The following ACTR3C variants were observed in gnomAD, a reference collection of about 807,000 sequenced individuals.
ACTR3C encodes the protein actin-related protein 3C.
ACTR3C carries 18 observed loss-of-function variants against 26.3 expected under a neutral mutation model. The observed-to-expected ratio is 0.68, with a 90% CI of 0.47 to 1.01. The LOEUF (loss-of-function observed/expected upper bound fraction) is 1.01. ACTR3C is among the 50% of genes least tolerant of loss of function. The pLI, the probability that ACTR3C is intolerant of heterozygous loss-of-function variation, is 0.00. For missense variants in ACTR3C, 184 were observed against 250.7 expected, an observed-to-expected ratio of 0.73 and a Z score of 1.80; for synonymous variants, 55 against 94.5, an observed-to-expected ratio of 0.58 and a Z score of 2.42.
chr7:150,029,411 A>AAAC, the ACTR3C span, among the ~76,000 whole-genome samples: 9 of 99,688 alleles, frequency 9.0e-5, no homozygotes, highest in African/African-American at 4.5e-4. Flanking sequence ...AACAAAAAAA[A>AAAC]AAAAAACAAA....
At chr7:150,179,309 GA>G in the ACTR3C span, among the ~76,000 whole-genome samples, 1 of 142,214 alleles carries the variant, frequency 7.0e-6, no homozygotes, top group South Asian at 2.2e-4. Flanking sequence ...ATTAATGTGT[GA>G]ATAATATATT....
chr7:149,966,882 G>T, the ACTR3C span, among the ~76,000 whole-genome samples: 5 of 151,308 alleles, frequency 3.3e-5, no homozygotes. Flanking sequence ...TGTGTGGGGG[G>T]ACAGAGTCTT....
chr7:150,300,249 G>C (rs1329295020), intron 1 of ACTR3C, among the ~76,000 whole-genome samples: 1 of 152,040 alleles, frequency 6.6e-6, no homozygotes, highest in Non-Finnish European at 1.5e-5. Context: ...TACTCAGGAG[G>C]CTTGAGGCAG....
At chr7:150,079,290 C>G in the ACTR3C span, among the ~76,000 whole-genome samples, 1 of 152,176 alleles carries the variant, frequency 6.6e-6, no homozygotes, top group East Asian at 1.9e-4. Context: ...GGGAAACTTA[C>G]ATATGGCTGC....
intron 1 of ACTR3C, among the ~76,000 whole-genome samples, chr7:150,307,279 T>C (rs1795869054): frequency 6.6e-6 from 1 of 152,250 alleles, no homozygotes; most frequent in South Asian, 2.1e-4. Context: ...TTGTAACCTC[T>C]GTGACCTGCA....
the ACTR3C span, among the ~76,000 whole-genome samples, chr7:150,112,538 T>C: frequency 1.3e-5 from 2 of 152,286 alleles, no homozygotes; most frequent in East Asian, 3.9e-4. Flanking sequence ...CTCCGCGGAC[T>C]GGTCCACTCC....
intron 3 of ACTR3C, among the ~76,000 whole-genome samples, chr7:150,290,435 AG>A (rs1374637821): frequency 6.6e-6 from 1 of 152,228 alleles, no homozygotes; most frequent in East Asian, 1.9e-4. Flanking sequence ...ACAGGGGATG[AG>A]CAGGATGCTG....
At chr7:150,038,906 G>C in the ACTR3C span, among the ~76,000 whole-genome samples, 1 of 116,864 alleles carries the variant, frequency 8.6e-6, no homozygotes, top group Admixed American at 8.8e-5. Flanking sequence ...CTGCGATGGG[G>C]GTACTAACAG....
the ACTR3C span, among the ~76,000 whole-genome samples, chr7:150,095,019 C>T: frequency 2.7e-5 from 4 of 146,702 alleles, no homozygotes; most frequent in Non-Finnish European, 5.9e-5. Context: ...ACCACAATCC[C>T]CGAGGTCCAG....
At chr7:150,004,604 A>G in the ACTR3C span, 1 of 152,198 alleles carries the variant, frequency 6.6e-6, no homozygotes, top group Non-Finnish European at 1.5e-5. Context: ...AAGGAAATAG[A>G]GCAACCTACG....
intron 6 of ACTR3C, among the ~76,000 whole-genome samples, chr7:150,281,292 A>G (rs567071556): frequency 4.2e-4 from 63 of 151,654 alleles, no homozygotes; most frequent in Non-Finnish European, 8.1e-4. Context: ...TCTAACCAGA[A>G]CAGTGTTTTA....
At chr7:149,992,815 CA>C in the ACTR3C span, among the ~76,000 whole-genome samples, 5 of 152,294 alleles carry the variant, frequency 3.3e-5, no homozygotes, top group Non-Finnish European at 7.3e-5. Flanking sequence ...GAAGTCCCAC[CA>C]TAGGCCATCT....
chr7:150,168,719 G>A, the ACTR3C span, among the ~76,000 whole-genome samples: 4 of 150,586 alleles, frequency 2.7e-5, 1 homozygote, highest in Admixed American at 6.6e-5. Context: ...ACATCCCCTC[G>A]TAGCCAAGGG....
chr7:150,081,638 G>A, the ACTR3C span, among the ~76,000 whole-genome samples: 3 of 151,442 alleles, frequency 2.0e-5, no homozygotes, highest in African/African-American at 7.4e-5. Flanking sequence ...ATTCATTTGT[G>A]TGTAGAATCA....
chr7:150,256,423 C>T (rs1223513861), intron 6 of ACTR3C, among the ~76,000 whole-genome samples: 4 of 152,248 alleles, frequency 2.6e-5, no homozygotes, highest in Non-Finnish European at 5.9e-5. Flanking sequence ...TCTGCAACCT[C>T]GCCAATATCT....
intron 6 of ACTR3C, among the ~76,000 whole-genome samples, chr7:150,253,147 T>C (rs927175755): frequency 3.9e-5 from 6 of 152,078 alleles, no homozygotes; most frequent in Admixed American, 6.5e-5. Context: ...GTAAAGATGG[T>C]GGCAGAGCGG....
At chr7:150,158,666 A>T in the ACTR3C span, among the ~76,000 whole-genome samples, 1 of 152,254 alleles carries the variant, frequency 6.6e-6, no homozygotes, top group African/African-American at 2.4e-5. Context: ...AGGACGGGTG[A>T]TCTTGGTCAA....
the ACTR3C span, among the ~76,000 whole-genome samples, chr7:150,035,942 G>T: frequency 3.1e-4 from 42 of 137,354 alleles, 5 homozygotes; most frequent in Non-Finnish European, 5.5e-4. Context: ...TGCGATGGGG[G>T]TCCTCAGAGC....
the ACTR3C span, among the ~76,000 whole-genome samples, chr7:150,132,585 C>T: frequency 6.6e-6 from 1 of 152,058 alleles, no homozygotes; most frequent in Non-Finnish European, 1.5e-5. Context: ...GATACCAACT[C>T]GATGGTTTTT....
Sources: allele counts gnomAD v4.1 joint callset (sites outside exome capture counted in the v4.1 genomes callset), GRCh38; gene constraint gnomAD v4.1.1; transcripts MANE v1.5; gene names NCBI Gene and HGNC (gene_info 2026-07-23, HGNC 2026-07-21).